The following ROS1 variants were observed in gnomAD, a reference collection of about 807,000 sequenced individuals.
ROS1 encodes the protein ROS proto-oncogene 1, receptor tyrosine kinase.
A neutral mutation model predicts 273.5 loss-of-function variants in ROS1; 263 were observed. The ratio of observed to expected loss-of-function variants is 0.96; its 90% confidence interval spans 0.87 to 1.06. The LOEUF (loss-of-function observed/expected upper bound fraction) is 1.06, where lower values mean the gene tolerates loss of function less well. Among genes scored for constraint, ROS1 ranks in the 50% least tolerant of loss-of-function variants. The pLI is 0.00. For missense variants in ROS1, 2,833 were observed against 2,751.1 expected (o/e 1.03, Z -0.67); for synonymous variants, 1,008 against 954.1 (o/e 1.06, Z -1.04).
chr6:117,397,160 G>A (rs1425453274), intron 7 of ROS1, 44 bp from the exon 8 acceptor site: 4 of 1,254,808 alleles, frequency 3.2e-6, no homozygotes, highest in South Asian at 1.3e-5. Context: ...AAATGTGCAA[G>A]CATGATGTTT....
chr6:117,339,011 A>G lies in ROS1; in HGVS notation c.5062-1671T>C, dbSNP rs541403588. Among the ~76,000 whole-genome samples the G allele has an allele frequency of 4.1e-4, 62 of 152,266 alleles. 1 individual carries two copies. The South Asian group carries it at 9.9e-3, about 24-fold the overall frequency. ...ACTTCCGTGAAAAAAATTACCAAAC[A>G]AAATTATTTGTTTCCTCCCCATTTT... On this transcript the variant is annotated intron_variant, in intron 31 of 43. Coordinates refer to ENST00000368507, the MANE Select transcript of ROS1 (RefSeq NM_001378902.1).
intron 42 of ROS1, among the ~76,000 whole-genome samples, chr6:117,305,376 T>C (rs1226981642): frequency 6.6e-6 from 1 of 152,200 alleles, no homozygotes; most frequent in Admixed American, 6.5e-5. Context: ...ACTTAGCCAC[T>C]TGCACATCAC....
intron 3 of ROS1, 125 bp from the exon 4 acceptor site, chr6:117,414,670 A>C (rs1423036986): frequency 1.8e-6 from 1 of 563,500 alleles, no homozygotes; most frequent in African/African-American, 2.0e-5. Context: ...CCAAAAAAAC[A>C]ACAGAAACAA....
chr6:117,311,262 A>G, intron 39 of ROS1, 145 bp from the exon 40 acceptor site: 1 of 474,606 alleles, frequency 2.1e-6, no homozygotes, highest in South Asian at 4.0e-5. Context: ...TATGATTATA[A>G]GAATTCAAAC....
At chr6:117,419,105 A>G (rs17079156) in intron 1 of ROS1, among the ~76,000 whole-genome samples, 19,024 of 152,178 alleles carry the variant, frequency 0.13, 1,306 homozygotes, top group African/African-American at 0.16. Flanking sequence ...AGATAATCAG[A>G]TAAGTACCCA....
Position 117,288,746 on chromosome 6 carries a change from T to C in ROS1, c.6772A>G (p.Met2258Val). 6.2e-7 allele frequency: 1 copy of C among 1,613,868 alleles called. No homozygotes were observed. The highest frequency in any genetic ancestry group is 8.5e-7 in the Non-Finnish European group (1 of 1,179,940). Residue 2258 changes from methionine (M) to valine (V), a missense_variant, in exon 44 of 44, where the codon ATG (methionine) becomes GTG (valine). Met to Val is a conservative substitution (Grantham distance 21). Coordinates refer to ENST00000368507, the MANE Select transcript of ROS1 (RefSeq NM_001378902.1). ...AACCCTTCTCGGTTCTTCGTTTCCA[T>C]TAAAGCAACTGGCATAATGTCATCT... is the stretch of plus-strand genomic sequence containing the variant. ...NSDDIMPVAL[M>V]ETKNREGLNY...
At chr6:117,400,493 C>G (rs1773848913) in intron 7 of ROS1, among the ~76,000 whole-genome samples, 1 of 152,146 alleles carries the variant, frequency 6.6e-6, no homozygotes, top group Non-Finnish European at 1.5e-5. Flanking sequence ...ATTCAGAGGA[C>G]AGCAGCTCAG....
chr6:117,343,495 T>C (rs1414282109), intron 28 of ROS1, among the ~76,000 whole-genome samples: 1 of 152,178 alleles, frequency 6.6e-6, no homozygotes, highest in Admixed American at 6.5e-5. Flanking sequence ...ATAGTGCCAA[T>C]TCATTCAAGA....
intron 31 of ROS1, 87 bp downstream of exon 31, chr6:117,341,048 T>G (rs1712228641): frequency 1.2e-6 from 1 of 819,330 alleles, no homozygotes; most frequent in African/African-American, 1.7e-5. Flanking sequence ...TATTGTTTAT[T>G]TATACATGAG....
chr6:117,378,627 A>G (rs2128684039), intron 18 of ROS1, among the ~76,000 whole-genome samples: 1 of 152,322 alleles, frequency 6.6e-6, no homozygotes, highest in African/African-American at 2.4e-5. Context: ...GCTAATGTGG[A>G]AGATGTAGAG....
Position 117,301,020 on chromosome 6 carries a change from G to A in ROS1, c.6669C>T (p.Ser2223=). The A allele has an allele frequency of 6.2e-7, 1 of 1,601,522 alleles. No individual in the cohort carries two copies. Among genetic ancestry groups the A allele is most frequent in the Non-Finnish European group, 8.5e-7 (1 of 1,175,146 alleles). The change falls in exon 43 of 44, where the codon TCC becomes TCT. Residue 2223 remains serine (S), a synonymous_variant. Transcript: ENST00000368507. ...RNFFLNSIYK[S]RDEANNSGVI... ...CTCCACTGTTGTTTGCTTCATCTCT[G>A]GACTTATAAATGCTATTTAAGAAAA...
At chr6:117,305,079 G>C (rs566493311) in intron 42 of ROS1, among the ~76,000 whole-genome samples, 2 of 151,976 alleles carry the variant, frequency 1.3e-5, no homozygotes, top group African/African-American at 4.8e-5. Context: ...AATTACCCAG[G>C]TTCTTTATAA....
intron 36 of ROS1, among the ~76,000 whole-genome samples, chr6:117,320,756 T>C (rs1395695663): frequency 4.6e-5 from 7 of 152,180 alleles, no homozygotes; most frequent in Non-Finnish European, 1.0e-4. Context: ...GCATAGATCC[T>C]AATATAATGA....
chr6:117,383,293 T>C, intron 17 of ROS1, 24 bp downstream of exon 17: 1 of 1,569,652 alleles, frequency 6.4e-7, no homozygotes, highest in Non-Finnish European at 8.8e-7. Context: ...TATTACTAAA[T>C]GATCAGATCT....
rs773171167 is a variant in ROS1, at chr6:117,288,501, C to T, written c.7017G>A (p.Gly2339=). ...TTCCCAAACAACGCTATTAATCAGA[C>T]CCATCTCCATATCCACTGTGAGTGA... ...ACLTHSGYGD[G]SD Residue 2339 remains glycine (G), a synonymous_variant, in exon 44 of 44, where the codon GGG becomes GGA. Coordinates refer to ENST00000368507, the MANE Select transcript of ROS1 (RefSeq NM_001378902.1). 3.1e-6 allele frequency: 5 copies of T among 1,612,182 alleles called. No homozygotes were observed. The highest frequency in any genetic ancestry group is 3.4e-5 in the Admixed American group (2 of 59,676).
chr6:117,351,548 C>A (rs1199488858), intron 27 of ROS1, among the ~76,000 whole-genome samples: 1 of 152,164 alleles, frequency 6.6e-6, no homozygotes, highest in Non-Finnish European at 1.5e-5. Flanking sequence ...CAGAGTTACC[C>A]ACACTGAGCC....
chr6:117,392,712 G>A (rs1250505491), intron 12 of ROS1, among the ~76,000 whole-genome samples: 1 of 152,148 alleles, frequency 6.6e-6, no homozygotes, highest in Non-Finnish European at 1.5e-5. Flanking sequence ...ATTTCATTTG[G>A]GGGTAGGAGG....
intron 37 of ROS1, 130 bp from the exon 38 acceptor site, chr6:117,318,382 C>G: frequency 2.9e-6 from 2 of 684,000 alleles, no homozygotes; most frequent in Non-Finnish European, 5.2e-6. Flanking sequence ...GTAGATAAAA[C>G]ATGTGCATGT....
chr6:117,381,021 G>A (rs1203891276), intron 17 of ROS1, among the ~76,000 whole-genome samples: 1 of 152,030 alleles, frequency 6.6e-6, no homozygotes, highest in Non-Finnish European at 1.5e-5. Context: ...ATGAACAAGA[G>A]AGAGATGAAG....
Sources: allele counts gnomAD v4.1 joint callset (sites outside exome capture counted in the v4.1 genomes callset), GRCh38; gene constraint gnomAD v4.1.1; transcripts MANE v1.5; gene names NCBI Gene and HGNC (gene_info 2026-07-23, HGNC 2026-07-21).